ATRNL1: variants seen among roughly 807,000 people sequenced by gnomAD.
ATRNL1 encodes attractin like 1, also known as attractin-like protein 1.
Under a neutral mutation model 182.7 loss-of-function variants are expected in ATRNL1, and 95 were observed. The observed-to-expected ratio is 0.52, with a 90% CI of 0.44 to 0.62. The LOEUF is 0.62. ATRNL1 is among the 20% of genes least tolerant of loss of function. ATRNL1 has a pLI of 0.00. For missense variants in ATRNL1, 1,471 were observed against 1,679.5 expected, an observed-to-expected ratio of 0.88 and a Z score of 2.17; for synonymous variants, 576 against 568.3, an observed-to-expected ratio of 1.01 and a Z score of -0.19.
chr10:115,187,704 T>C (rs1357528363), intron 8 of ATRNL1, among the ~76,000 whole-genome samples: 2 of 148,084 alleles, frequency 1.4e-5, no homozygotes, highest in Non-Finnish European at 3.0e-5. Context: ...TTTTCTTTTT[T>C]TTTTTGAGAT....
intron 26 of ATRNL1, among the ~76,000 whole-genome samples, chr10:115,630,761 A>G (rs1858434467): frequency 1.4e-5 from 2 of 147,266 alleles, no homozygotes; most frequent in Non-Finnish European, 3.0e-5. Context: ...TATATATTTA[A>G]TAGATATATA....
At chr10:115,334,565 A>G (rs1592471934) in intron 19 of ATRNL1, 146 bp downstream of exon 19, 1 of 449,856 alleles carries the variant, frequency 2.2e-6, no homozygotes, top group East Asian at 3.5e-5. Flanking sequence ...CATATTAGAA[A>G]CTGTGAACTA....
At chr10:115,557,301 A>T (rs1554997268) in intron 26 of ATRNL1, among the ~76,000 whole-genome samples, 1 of 152,126 alleles carries the variant, frequency 6.6e-6, no homozygotes, top group Non-Finnish European at 1.5e-5. Flanking sequence ...TAAATTTGGG[A>T]ATCTCAGCAC....
intron 27 of ATRNL1, among the ~76,000 whole-genome samples, chr10:115,809,909 G>A (rs1470579035): frequency 1.3e-5 from 2 of 151,874 alleles, no homozygotes; most frequent in Admixed American, 6.6e-5. Context: ...TTACCATTAA[G>A]TATGATGTTA....
chr10:115,212,210 C>G (rs932122288), intron 8 of ATRNL1, among the ~76,000 whole-genome samples: 6 of 151,686 alleles, frequency 4.0e-5, no homozygotes, highest in Non-Finnish European at 7.4e-5. Flanking sequence ...ATTGTTCTGT[C>G]CTCAAGTTTA....
At chr10:115,137,344 T>C (rs1356572032) in intron 5 of ATRNL1, among the ~76,000 whole-genome samples, 1 of 152,240 alleles carries the variant, frequency 6.6e-6, no homozygotes, top group Non-Finnish European at 1.5e-5. Context: ...GTAATAGAAT[T>C]CTCATTTAGC....
chr10:115,147,645 A>G (rs1344211924), intron 5 of ATRNL1, among the ~76,000 whole-genome samples: 2 of 152,072 alleles, frequency 1.3e-5, no homozygotes, highest in African/African-American at 4.8e-5. Context: ...TTATTTTTGT[A>G]TATGGTGAGA....
At chr10:115,425,543 A>C (rs895903523) in intron 20 of ATRNL1, among the ~76,000 whole-genome samples, 1 of 152,014 alleles carries the variant, frequency 6.6e-6, no homozygotes, top group African/African-American at 2.4e-5. Flanking sequence ...GAAAATACTT[A>C]TGATTTTCTC....
intron 26 of ATRNL1, among the ~76,000 whole-genome samples, chr10:115,703,091 G>A (rs922635750): frequency 9.9e-5 from 15 of 151,766 alleles, no homozygotes; most frequent in Admixed American, 2.0e-4. Context: ...GATAGAGATC[G>A]CAGAAGTAAA....
At chr10:115,603,090 A>G (rs988479476) in intron 26 of ATRNL1, among the ~76,000 whole-genome samples, 16 of 152,136 alleles carry the variant, frequency 1.1e-4, no homozygotes, top group Admixed American at 2.0e-4. Context: ...CAGCACGTGG[A>G]TGTTCACCAA....
At position 115,713,698 on chromosome 10, in the gene ATRNL1, TATCTATC is replaced by T. The variant is rs1246068360; in HGVS notation, c.3796-13542_3796-13536del. Among the ~76,000 whole-genome samples the T allele has an allele frequency of 6.0e-4, 67 of 112,234 alleles. 1 individual carries two copies. The highest frequency in any genetic ancestry group is 3.7e-3 in the Admixed American group (39 of 10,490). 73.6% of individuals were successfully genotyped at this position (112,234 alleles called of 152,430 possible). ...TTTTCTATCTATCTATCTATCTATC[TATCTATC>T]ATCTATCTATCTATCTATCTATCTA... is the stretch of plus-strand genomic sequence containing the variant. On this transcript the variant is annotated intron_variant, in intron 26 of 28. Coordinates refer to ENST00000355044, the MANE Select transcript of ATRNL1 (RefSeq NM_207303.4).
intron 10 of ATRNL1, among the ~76,000 whole-genome samples, chr10:115,255,319 G>C (rs930609052): frequency 3.9e-5 from 6 of 151,964 alleles, no homozygotes; most frequent in African/African-American, 1.2e-4. Context: ...GTTGAGCTGT[G>C]GTTTGTAGTT....
At chr10:115,673,559 T>TG (rs1945766618) in intron 26 of ATRNL1, among the ~76,000 whole-genome samples, 1 of 152,092 alleles carries the variant, frequency 6.6e-6, no homozygotes, top group African/African-American at 2.4e-5. Flanking sequence ...AACCAGTAAT[T>TG]TCTAAGCCAA....
At chr10:115,454,353 T>C (rs1464409299) in intron 21 of ATRNL1, among the ~76,000 whole-genome samples, 1 of 152,144 alleles carries the variant, frequency 6.6e-6, no homozygotes, top group African/African-American at 2.4e-5. Flanking sequence ...GCCTTTTTTC[T>C]TCTTGGTCAG....
intron 28 of ATRNL1, among the ~76,000 whole-genome samples, chr10:115,874,909 A>T (rs1351746710): frequency 1.3e-5 from 2 of 152,222 alleles, no homozygotes; most frequent in Admixed American, 6.5e-5. Flanking sequence ...CAGGGATCCA[A>T]GCTTTAAATG....
intron 8 of ATRNL1, among the ~76,000 whole-genome samples, chr10:115,171,937 C>T (rs1847310841): frequency 1.3e-5 from 2 of 151,914 alleles, no homozygotes; most frequent in East Asian, 3.9e-4. Flanking sequence ...AAATATATGC[C>T]CTATGGTGGT....
chr10:115,203,577 C>CTTTT (rs34988501), intron 8 of ATRNL1, among the ~76,000 whole-genome samples: 7 of 122,404 alleles, frequency 5.7e-5, no homozygotes, highest in Admixed American at 2.5e-4. Context: ...ATTGGGCCAC[C>CTTTT]TTTTTTTTTT....
Position 115,374,489 on chromosome 10 carries a change from T to TTCCTTCCTTCCTTCC in ATRNL1, c.3176-20169_3176-20168insCCTTCCTTCCTTCCT, listed in dbSNP as rs1333570942. 3.5e-3 allele frequency among the ~76,000 whole-genome samples: 335 copies of TTCCTTCCTTCCTTCC among 96,584 alleles called. 3 individuals carry two copies. Among genetic ancestry groups the TTCCTTCCTTCCTTCC allele is most frequent in the African/African-American group, 0.013 (289 of 23,064 alleles). 63.4% of individuals were successfully genotyped at this position (96,584 alleles called of 152,430 possible). A position where few individuals can be genotyped will look rare whatever the true frequency, so the allele number is the denominator to read the frequency against. Reference sequence around the variant, plus strand: ...CCTTCCTTCCTTCCTTCCTTCCTTCTTTCCTTCCTTTCTTCCTCCTTCTTC... The same window carrying TTCCTTCCTTCCTTCC: ...CCTTCCTTCCTTCCTTCCTTCCTTCTTCCTTCCTTCCTTCCTTCCTTCCTTTCTTCCTCCTTCTTC... On this transcript the variant is annotated intron_variant, in intron 19 of 28. Transcript: ENST00000355044.
intron 9 of ATRNL1, among the ~76,000 whole-genome samples, chr10:115,216,596 T>G (rs891136876): frequency 2.8e-4 from 43 of 152,188 alleles, no homozygotes; most frequent in African/African-American, 1.0e-3. Flanking sequence ...TATTATTAAT[T>G]AATTTTTAAT....
Sources: gnomAD v4.1 joint callset for allele counts (sites outside exome capture counted in the v4.1 genomes callset) on GRCh38, gnomAD v4.1.1 for gene constraint, MANE v1.5 for transcripts, NCBI Gene and HGNC (gene_info 2026-07-23, HGNC 2026-07-21) for gene names.